SNAPC3: variants seen among roughly 807,000 people sequenced by gnomAD.
SNAPC3 encodes small nuclear RNA activating complex polypeptide 3, also known as snRNA-activating protein complex subunit 3.
In SNAPC3, 56 loss-of-function variants were observed where a neutral mutation model predicts 47.7. The ratio of observed to expected loss-of-function variants is 1.18; its 90% CI spans 0.95 to 1.47. SNAPC3 has a LOEUF of 1.47. SNAPC3 is among the 40% of genes most tolerant of loss of function. The probability of loss-of-function intolerance (pLI) is 0.00; values close to 1 mark genes in which losing one functional copy is unlikely to be tolerated. For synonymous variants in SNAPC3, 235 were observed against 189.9 expected (o/e 1.24, Z -1.95); for missense variants, 665 against 511.3 (o/e 1.30, Z -2.90).
rs2035124631 is a variant in SNAPC3, at chr9:15,460,473, C to T, written c.*607C>T. 1 of 152,280 alleles carries T rather than the reference C, an allele frequency of 6.6e-6. No homozygotes were observed. The highest frequency in any genetic ancestry group is 2.4e-5 in the African/African-American group (1 of 41,462). The allele number at this position is 152,280 out of a possible 1,614,324, so 9.4% of individuals were successfully genotyped here. ...TGGCGCAATCTCAGCTCACTGCAGC[C>T]TCCGCCTCCCGGATTCAAGTGATTC... On this transcript the variant is annotated 3_prime_UTR_variant, in exon 9 of 9. Coordinates refer to ENST00000380821, the MANE Select transcript of SNAPC3 (RefSeq NM_001039697.2).
chr9:15,450,988 T>C (rs2131920975), intron 5 of SNAPC3, among the ~76,000 whole-genome samples: 1 of 152,356 alleles, frequency 6.6e-6, no homozygotes, highest in East Asian at 1.9e-4. Flanking sequence ...CATAGCTCGA[T>C]GATCATTGTT....
intron 3 of SNAPC3, among the ~76,000 whole-genome samples, chr9:15,437,352 C>T (rs2131821652): frequency 6.6e-6 from 1 of 152,248 alleles, no homozygotes; most frequent in Middle Eastern, 3.4e-3. Flanking sequence ...CATGCCTCAG[C>T]CTCCTGAGTA....
Position 15,459,794 on chromosome 9 carries a change from CTA to C in SNAPC3, c.1166_1167del (p.Tyr389Ter), listed in dbSNP as rs748001463. On this transcript the variant is annotated frameshift_variant, in exon 9 of 9. Transcript: ENST00000380821. LOFTEE classifies it high-confidence loss of function. ...FCDVCFRMLH[Y>X]DSEGNKLGEF... ...GTGATGTTTGCTTCCGAATGCTGCA[CTA>C]TGATTCAGAAGGCAACAAACTGGGG... 1 of 1,613,220 alleles carries C rather than the reference CTA, an allele frequency of 6.2e-7. No individual in the cohort carries two copies. Among genetic ancestry groups the C allele is most frequent in the South Asian group, 1.1e-5 (1 of 90,924 alleles).
intron 3 of SNAPC3, among the ~76,000 whole-genome samples, chr9:15,437,682 G>A (rs2032958385): frequency 7.6e-6 from 1 of 132,278 alleles, no homozygotes; most frequent in Non-Finnish European, 1.6e-5. Context: ...TGATTGACTT[G>A]CTAATGTTAA....
Position 15,460,975 on chromosome 9 carries a change from T to A in SNAPC3, c.*1109T>A, listed in dbSNP as rs1308206994. On this transcript the variant is annotated 3_prime_UTR_variant, in exon 9 of 9. Transcript: ENST00000380821. ...GGGACATGGAAAAATCAAGATCCTA[T>A]TGATTGCTAGCTCTGGCTCACTTAT... 6.6e-6 allele frequency: 1 copy of A among 152,146 alleles called. No homozygotes were observed. Among genetic ancestry groups the A allele is most frequent in the East Asian group, 1.9e-4 (1 of 5,186 alleles). The allele number at this position is 152,146 out of a possible 1,614,324, so 9.4% of individuals were successfully genotyped here.
chr9:15,454,879 A>G (rs1391263538), intron 7 of SNAPC3, among the ~76,000 whole-genome samples: 1 of 152,210 alleles, frequency 6.6e-6, no homozygotes, highest in African/African-American at 2.4e-5. Flanking sequence ...GCATGCAGTG[A>G]GCTGAGATCG....
At position 15,441,439 on chromosome 9, in the gene SNAPC3, G is replaced by A. The variant is rs370493319; in HGVS notation, c.478-3163G>A. ...TATTGATCATTCTTGGGTGTTTCTC[G>A]AGGAGGGGGATTTGGCAGGGTCATA... On this transcript the variant is annotated intron_variant, in intron 3 of 8. Coordinates refer to ENST00000380821, the MANE Select transcript of SNAPC3 (RefSeq NM_001039697.2). Among the ~76,000 whole-genome samples the A allele has an allele frequency of 5.6e-5, 6 of 106,708 alleles. No individual in the cohort carries two copies. In the South Asian group the frequency reaches 1.1e-3, roughly 19 times the overall value. The allele number at this position is 106,708 out of a possible 152,430, so 70.0% of individuals were successfully genotyped here. A position where few individuals can be genotyped will look rare whatever the true frequency, so the allele number is the denominator to read the frequency against.
In SNAPC3 at chr9:15,423,055, G is replaced by C. The variant is rs2030763956; in HGVS notation, c.176G>C (p.Gly59Ala). ...ELWRGRLRGA[G>A]DLSLREPPAS... ...TGGCGGGGCCGTCTGCGCGGGGCCG[G>C]GGACTTGTCGCTGAGGGAGCCGCCG... is the stretch of plus-strand genomic sequence containing the variant. The change falls in exon 1 of 9, where the codon GGG becomes GCG. Residue 59 changes from glycine (G) to alanine (A), a missense_variant. Physicochemically the swap from Gly to Ala is moderately conservative, Grantham distance 60 (BLOSUM62 0). Transcript: ENST00000380821. 1.3e-6 allele frequency: 2 copies of C among 1,518,248 alleles called. No individual in the cohort carries two copies. Among genetic ancestry groups the C allele is most frequent in the Non-Finnish European group, 1.8e-6 (2 of 1,141,158 alleles). 94.0% of individuals were successfully genotyped at this position (1,518,248 alleles called of 1,614,324 possible). A position where few individuals can be genotyped will look rare whatever the true frequency, so the allele number is the denominator to read the frequency against.
At chr9:15,433,050 A>G (rs2032363188) in intron 2 of SNAPC3, among the ~76,000 whole-genome samples, 1 of 152,212 alleles carries the variant, frequency 6.6e-6, no homozygotes, top group South Asian at 2.1e-4. Context: ...TGAGAAGGGC[A>G]TCATTGTAGT....
chr9:15,442,926 C>T (rs1216724004), intron 3 of SNAPC3, among the ~76,000 whole-genome samples: 1 of 152,174 alleles, frequency 6.6e-6, no homozygotes, highest in Non-Finnish European at 1.5e-5. Context: ...CCCGGCACCT[C>T]GGGAGGCTGA....
At chr9:15,449,563 A>ATATATTTTTT (rs1481688749) in intron 5 of SNAPC3, among the ~76,000 whole-genome samples, 1 of 39,524 alleles carries the variant, frequency 2.5e-5, no homozygotes, top group African/African-American at 1.1e-4. Flanking sequence ...ATATATATAT[A>ATATATTTTTT]TTTTTTTTTT....
At chr9:15,463,024 C>A (rs1167197122), downstream of SNAPC3, 6 of 152,030 alleles carry the variant, frequency 3.9e-5, no homozygotes, top group African/African-American at 1.5e-4. Context: ...GACAGCAGTA[C>A]TGTATCAGCA....
At position 15,447,091 on chromosome 9, in the gene SNAPC3, T is replaced by C; in HGVS notation, c.583-4T>C. On this transcript the variant is annotated splice_region_variant and splice_polypyrimidine_tract_variant and intron_variant, in intron 4 of 8. Coordinates refer to ENST00000380821, the MANE Select transcript of SNAPC3 (RefSeq NM_001039697.2). Reference sequence around the variant, plus strand: ...TGAACACTTATTTATTCTTTGACTTTTAGCACAAAGAACACAAACCATACC... The same window carrying C: ...TGAACACTTATTTATTCTTTGACTTCTAGCACAAAGAACACAAACCATACC... 1 of 1,613,332 alleles carries C rather than the reference T, an allele frequency of 6.2e-7. No homozygotes were observed. Among genetic ancestry groups the C allele is most frequent in the South Asian group, 1.1e-5 (1 of 91,050 alleles).
In SNAPC3 at chr9:15,431,927, A is replaced by G. The variant is rs1417518049; in HGVS notation, c.393-1625A>G. On this transcript the variant is annotated intron_variant, in intron 2 of 8. Coordinates refer to ENST00000380821, the MANE Select transcript of SNAPC3 (RefSeq NM_001039697.2). Reference sequence around the variant, plus strand: ...TTTTTTGAGCACTTCATGAATTTGCATATCATCCATGCACAGGGGCCGTGC... The same window carrying G: ...TTTTTTGAGCACTTCATGAATTTGCGTATCATCCATGCACAGGGGCCGTGC... The G allele has an allele frequency of 2.1e-4, 27 of 125,866 alleles. 2 individuals are homozygous for G. In the Admixed American group the frequency reaches 2.5e-3, roughly 12 times the overall value. The allele number at this position is 125,866 out of a possible 1,614,324, so 7.8% of individuals were successfully genotyped here.
intron 7 of SNAPC3, among the ~76,000 whole-genome samples, chr9:15,455,352 C>CA (rs2034696234): frequency 6.6e-6 from 1 of 152,114 alleles, no homozygotes; most frequent in African/African-American, 2.4e-5. Flanking sequence ...AGATTACTTG[C>CA]AGTCAGGAGT....
intron 5 of SNAPC3, among the ~76,000 whole-genome samples, chr9:15,449,164 G>A (rs12685218): frequency 0.018 from 2,724 of 151,968 alleles, 80 homozygotes; most frequent in East Asian, 0.12. Context: ...TTTTAACCTT[G>A]TCAAAAAAAA....
rs1587427255 is a variant in SNAPC3 at position 15,460,095 on chromosome 9, A to G, written c.*229A>G. 1 of 340,764 alleles carries G rather than the reference A, an allele frequency of 2.9e-6. No homozygotes were observed. The highest frequency in any genetic ancestry group is 4.8e-5 in the East Asian group (1 of 20,888). The allele number at this position is 340,764 out of a possible 1,614,324, so 21.1% of individuals were successfully genotyped here. On this transcript the variant is annotated 3_prime_UTR_variant, in exon 9 of 9. Coordinates refer to ENST00000380821, the MANE Select transcript of SNAPC3 (RefSeq NM_001039697.2). ...GATAGTATTTAATTTAGTGCTTTTT[A>G]CCCATTTTGAGTTGAGTTGTAGTAC...
chr9:15,461,857 A>G (rs529581785), downstream of SNAPC3: 2 of 152,330 alleles, frequency 1.3e-5, no homozygotes, highest in East Asian at 3.9e-4. Context: ...GATAATCAGT[A>G]TAGAGAACTT....
At chr9:15,424,672 G>C (rs1014963401) in intron 2 of SNAPC3, among the ~76,000 whole-genome samples, 1 of 152,134 alleles carries the variant, frequency 6.6e-6, no homozygotes, top group Non-Finnish European at 1.5e-5. Context: ...ATGAATTCTG[G>C]TCTGCCTACC....
Sources: allele counts gnomAD v4.1 joint callset (sites outside exome capture counted in the v4.1 genomes callset), GRCh38; gene constraint gnomAD v4.1.1; transcripts MANE v1.5; gene names NCBI Gene and HGNC (gene_info 2026-07-23, HGNC 2026-07-21).